THEMIS: variants seen among roughly 807,000 people sequenced by gnomAD.
The protein encoded by THEMIS is protein THEMIS.
THEMIS carries 37 observed loss-of-function variants against 52.6 expected under a neutral mutation model. The observed-to-expected ratio is 0.70, with a 90% confidence interval of 0.54 to 0.93. The LOEUF (loss-of-function observed/expected upper bound fraction) is 0.93. Ranked by LOEUF, THEMIS falls within the 40% of genes least tolerant of loss-of-function variation. The pLI, the probability that THEMIS is intolerant of heterozygous loss-of-function variation, is 0.00. For missense variants in THEMIS, 808 were observed against 763.1 expected (o/e 1.06, Z -0.69); for synonymous variants, 292 against 272.7 (o/e 1.07, Z -0.70).
intron 1 of THEMIS, among the ~76,000 whole-genome samples, chr6:127,857,322 G>A (rs979710017): frequency 6.6e-6 from 1 of 151,946 alleles, no homozygotes; most frequent in Non-Finnish European, 1.5e-5. Context: ...GCAGATTTGA[G>A]TTTTAAAGGA....
In THEMIS at chr6:127,714,210, C is replaced by T. The variant is rs1011861466; in HGVS notation, c.1895-4194G>A. On this transcript the variant is annotated intron_variant, in intron 5 of 5. Coordinates refer to ENST00000368248, the MANE Select transcript of THEMIS (RefSeq NM_001010923.3). ...CCTGAGATACATTGAAACACATCCCCGTGGTATACCTGAATCATACTTTTT... is the reference window on the plus strand; with the variant it reads ...CCTGAGATACATTGAAACACATCCCTGTGGTATACCTGAATCATACTTTTT... Among the ~76,000 whole-genome samples, 8 of 151,914 alleles carry T rather than the reference C, an allele frequency of 5.3e-5. No homozygotes were observed. In the South Asian group the frequency reaches 6.2e-4, roughly 12 times the overall value.
chr6:127,792,785 C>T (rs1361622292), intron 4 of THEMIS, among the ~76,000 whole-genome samples: 1 of 152,196 alleles, frequency 6.6e-6, no homozygotes, highest in Non-Finnish European at 1.5e-5. Context: ...CAGCTTCAAT[C>T]AGGCTGAGAT....
At chr6:127,838,333 G>C (rs1266776199) in intron 2 of THEMIS, among the ~76,000 whole-genome samples, 1 of 152,022 alleles carries the variant, frequency 6.6e-6, no homozygotes, top group East Asian at 1.9e-4. Context: ...AGTTGTTATT[G>C]TGTTAGTACA....
intron 4 of THEMIS, among the ~76,000 whole-genome samples, chr6:127,736,285 A>G (rs1476383432): frequency 6.6e-6 from 1 of 152,176 alleles, no homozygotes; most frequent in Non-Finnish European, 1.5e-5. Flanking sequence ...TTATACTGAG[A>G]AAATATTTAA....
At chr6:127,703,035 GTTTTTTTTTTTTTTTT>G in the THEMIS span, among the ~76,000 whole-genome samples, 2 of 82,352 alleles carry the variant, frequency 2.4e-5, no homozygotes, top group African/African-American at 1.1e-4. Flanking sequence ...TTTAGAATGA[GTTTTTTTTTTTTTTTT>G]TTTTTTTTTT....
At chr6:127,878,910 A>T (rs1369764201) in intron 1 of THEMIS, among the ~76,000 whole-genome samples, 1 of 152,228 alleles carries the variant, frequency 6.6e-6, no homozygotes, top group Non-Finnish European at 1.5e-5. Context: ...GGCATCTATC[A>T]GTAGTTAATT....
chr6:127,775,980 T>C (rs1464169300), intron 4 of THEMIS, among the ~76,000 whole-genome samples: 1 of 152,234 alleles, frequency 6.6e-6, no homozygotes, highest in African/African-American at 2.4e-5. Context: ...TTGTGTTTTC[T>C]TTTCAACTGG....
chr6:127,855,944 C>T (rs1344290962), intron 1 of THEMIS, among the ~76,000 whole-genome samples: 7 of 151,852 alleles, frequency 4.6e-5, no homozygotes, highest in Admixed American at 3.3e-4. Context: ...AGAGCAGAGG[C>T]AAAAATTCTG....
intron 1 of THEMIS, among the ~76,000 whole-genome samples, chr6:127,897,810 C>T (rs970634926): frequency 1.3e-5 from 2 of 151,568 alleles, no homozygotes; most frequent in African/African-American, 4.8e-5. Flanking sequence ...TGCATATACA[C>T]GTAGGCACAC....
At chr6:127,815,329 T>G (rs1778090234) in intron 3 of THEMIS, among the ~76,000 whole-genome samples, 1 of 152,096 alleles carries the variant, frequency 6.6e-6, no homozygotes, top group African/African-American at 2.4e-5. Flanking sequence ...TTCCATGCTT[T>G]TGAAAATGAA....
At chr6:127,790,474 C>G (rs72967694) in intron 4 of THEMIS, among the ~76,000 whole-genome samples, 2,947 of 152,210 alleles carry the variant, frequency 0.019, 47 homozygotes, top group Middle Eastern at 0.051. Context: ...ATTAAATTAT[C>G]TTTTATGTGA....
intron 4 of THEMIS, among the ~76,000 whole-genome samples, chr6:127,737,785 C>A (rs546779757): frequency 6.6e-5 from 10 of 152,118 alleles, no homozygotes; most frequent in South Asian, 2.1e-4. Flanking sequence ...CTAGAGAGAA[C>A]CTTAATGTGT....
At chr6:127,836,879 G>A (rs963807210) in intron 2 of THEMIS, among the ~76,000 whole-genome samples, 34 of 152,152 alleles carry the variant, frequency 2.2e-4, no homozygotes, top group African/African-American at 2.2e-4. Context: ...TGGTCAGCAC[G>A]AACACCTGAA....
the THEMIS span, among the ~76,000 whole-genome samples, chr6:127,698,641 G>A: frequency 6.6e-6 from 1 of 151,998 alleles, no homozygotes; most frequent in African/African-American, 2.4e-5. Context: ...CAATCATACA[G>A]GACCTATTCT....
chr6:127,908,374 G>C (rs528511074), intron 1 of THEMIS, among the ~76,000 whole-genome samples: 6 of 152,110 alleles, frequency 3.9e-5, no homozygotes, highest in Non-Finnish European at 5.9e-5. Context: ...CCCAGGAAGA[G>C]TGTTCCTCAG....
chr6:127,891,118 C>T (rs1027672114), intron 1 of THEMIS, among the ~76,000 whole-genome samples: 1 of 152,086 alleles, frequency 6.6e-6, no homozygotes, highest in African/African-American at 2.4e-5. Context: ...TCTCATCTTC[C>T]CCTGGTCTTC....
At chr6:127,741,506 C>T (rs989490062) in intron 4 of THEMIS, among the ~76,000 whole-genome samples, 2 of 152,108 alleles carry the variant, frequency 1.3e-5, no homozygotes, top group African/African-American at 2.4e-5. Flanking sequence ...GAGAATAAAC[C>T]GACTAAGGAT....
At chr6:127,723,133 CTA>C (rs2114495286) in intron 4 of THEMIS, among the ~76,000 whole-genome samples, 1 of 152,154 alleles carries the variant, frequency 6.6e-6, no homozygotes, top group South Asian at 2.1e-4. Flanking sequence ...TCTGCCAAGG[CTA>C]TTTGTGGACC....
intron 4 of THEMIS, among the ~76,000 whole-genome samples, chr6:127,780,851 A>C (rs1321084773): frequency 6.6e-6 from 1 of 152,046 alleles, no homozygotes; most frequent in Non-Finnish European, 1.5e-5. Context: ...AACCTTGGCG[A>C]ATCTGACAAT....
Sources: allele counts gnomAD v4.1 joint callset (sites outside exome capture counted in the v4.1 genomes callset), GRCh38; gene constraint gnomAD v4.1.1; transcripts MANE v1.5; gene names NCBI Gene and HGNC (gene_info 2026-07-23, HGNC 2026-07-21).